Variants in SLIT3 observed in about 807,000 individuals in gnomAD.
SLIT3 encodes slit guidance ligand 3.
Under a neutral mutation model 184.0 loss-of-function variants are expected in SLIT3, and 68 were observed. The ratio of observed to expected loss-of-function variants is 0.37; its 90% confidence interval spans 0.30 to 0.45. The LOEUF is 0.45. SLIT3 is among the 20% of genes least tolerant of loss of function. SLIT3 has a pLI of 1.00. For synonymous variants in SLIT3, 831 were observed against 828.6 expected (o/e 1.00, Z -0.05); for missense variants, 1,707 against 2,026.0 (o/e 0.84, Z 3.02).
intron 4 of SLIT3, among the ~76,000 whole-genome samples, chr5:169,007,151 G>A (rs1357911728): frequency 2.0e-5 from 3 of 152,130 alleles, no homozygotes; most frequent in Non-Finnish European, 4.4e-5. Flanking sequence ...TCTCTCTCCT[G>A]CCACCTTGTG....
At chr5:169,287,961 C>G (rs1331100612) in intron 1 of SLIT3, among the ~76,000 whole-genome samples, 2 of 152,170 alleles carry the variant, frequency 1.3e-5, no homozygotes, top group African/African-American at 4.8e-5. Flanking sequence ...CATCGCCTAC[C>G]CCATGCTTAG....
chr5:169,025,879 C>T (rs1756802318), intron 4 of SLIT3, among the ~76,000 whole-genome samples: 1 of 152,176 alleles, frequency 6.6e-6, no homozygotes, highest in South Asian at 2.1e-4. Context: ...TACTACCAGC[C>T]TGAACTCTCC....
chr5:169,127,561 A>G (rs763016501), intron 4 of SLIT3, among the ~76,000 whole-genome samples: 12 of 152,344 alleles, frequency 7.9e-5, no homozygotes, highest in Admixed American at 5.9e-4. Flanking sequence ...GTAAAAATAG[A>G]TGCTTTCAAA....
chr5:168,974,663 G>T, intron 4 of SLIT3, among the ~76,000 whole-genome samples: 1 of 152,180 alleles, frequency 6.6e-6, no homozygotes, highest in East Asian at 1.9e-4. Context: ...AAGAGGAGGG[G>T]TGGCCCTTTA....
At chr5:168,817,549 T>G in intron 7 of SLIT3, 86 bp from the exon 8 acceptor site, 2 of 1,294,784 alleles carry the variant, frequency 1.5e-6, no homozygotes, top group Non-Finnish European at 2.2e-6. Flanking sequence ...CCAAAACCCC[T>G]GTTGCCCCTT....
chr5:169,093,575 T>A (rs1213333805), intron 4 of SLIT3, among the ~76,000 whole-genome samples: 1 of 152,210 alleles, frequency 6.6e-6, no homozygotes, highest in Non-Finnish European at 1.5e-5. Context: ...TGCAGATCCT[T>A]ACAACCCTTC....
At chr5:168,671,964 G>A (rs981493005) in intron 33 of SLIT3, among the ~76,000 whole-genome samples, 3 of 152,212 alleles carry the variant, frequency 2.0e-5, no homozygotes, top group South Asian at 2.1e-4. Context: ...CTTGATCAAC[G>A]AAACTTTGGG....
At chr5:169,233,519 T>C (rs1206003849) in intron 3 of SLIT3, among the ~76,000 whole-genome samples, 1 of 152,222 alleles carries the variant, frequency 6.6e-6, no homozygotes, top group Middle Eastern at 3.4e-3. Flanking sequence ...ACTTAGGTGA[T>C]GGGTTGATAC....
At chr5:168,811,660 C>G (rs551736640) in intron 8 of SLIT3, among the ~76,000 whole-genome samples, 1 of 152,164 alleles carries the variant, frequency 6.6e-6, no homozygotes, top group Non-Finnish European at 1.5e-5. Context: ...TCATCCACAA[C>G]GAGCTATCAC....
intron 11 of SLIT3, among the ~76,000 whole-genome samples, chr5:168,787,054 A>G (rs981070362): frequency 2.6e-5 from 4 of 151,066 alleles, no homozygotes; most frequent in African/African-American, 9.8e-5. Flanking sequence ...GATAAACCAA[A>G]CCCCCCTTTT....
chr5:169,011,976 TAGAA>T (rs1287131501), intron 4 of SLIT3, among the ~76,000 whole-genome samples: 2 of 151,880 alleles, frequency 1.3e-5, no homozygotes, highest in African/African-American at 2.4e-5. Flanking sequence ...AACTAGGTGT[TAGAA>T]GGTAGGAACC....
chr5:169,084,473 T>G (rs1759205889), intron 4 of SLIT3, among the ~76,000 whole-genome samples: 1 of 148,552 alleles, frequency 6.7e-6, no homozygotes, highest in African/African-American at 2.5e-5. Context: ...TTTTTTTTTT[T>G]TTTTTGTTTC....
At chr5:168,938,086 G>T (rs188646003) in intron 4 of SLIT3, among the ~76,000 whole-genome samples, 37 of 152,226 alleles carry the variant, frequency 2.4e-4, no homozygotes, top group African/African-American at 7.5e-4. Context: ...TTGTTCTAAC[G>T]TACCAATATA....
At chr5:168,797,111 C>T (rs963941809) in intron 9 of SLIT3, among the ~76,000 whole-genome samples, 24 of 152,152 alleles carry the variant, frequency 1.6e-4, no homozygotes, top group Non-Finnish European at 1.5e-5. Flanking sequence ...GGCTAGCCTG[C>T]TCACAGAGAG....
intron 27 of SLIT3, among the ~76,000 whole-genome samples, chr5:168,698,412 G>A (rs1762121476): frequency 6.6e-6 from 1 of 152,104 alleles, no homozygotes; most frequent in South Asian, 2.1e-4. Context: ...AGAGAGCACT[G>A]GTGACTATGC....
At chr5:169,004,224 A>G (rs750674270) in intron 4 of SLIT3, among the ~76,000 whole-genome samples, 5 of 152,012 alleles carry the variant, frequency 3.3e-5, no homozygotes, top group African/African-American at 7.2e-5. Flanking sequence ...TATTCTGTGC[A>G]TCTCAGAGAA....
intron 3 of SLIT3, among the ~76,000 whole-genome samples, chr5:169,201,260 T>C (rs1417199711): frequency 6.6e-6 from 1 of 152,224 alleles, no homozygotes; most frequent in Non-Finnish European, 1.5e-5. Flanking sequence ...GACATTTCTA[T>C]AGGAGAAAGA....
chr5:168,941,856 T>A (rs1385437119), intron 4 of SLIT3, among the ~76,000 whole-genome samples: 3 of 152,132 alleles, frequency 2.0e-5, no homozygotes, highest in African/African-American at 7.2e-5. Context: ...CAGGGTCAAA[T>A]AAGATTATTT....
chr5:169,143,345 A>G (rs979628751), intron 4 of SLIT3, among the ~76,000 whole-genome samples: 5 of 152,212 alleles, frequency 3.3e-5, no homozygotes, highest in African/African-American at 1.2e-4. Flanking sequence ...CCTTTTGAAG[A>G]TGTAGAAACT....
Sources: allele counts gnomAD v4.1 joint callset (sites outside exome capture counted in the v4.1 genomes callset), GRCh38; gene constraint gnomAD v4.1.1; transcripts MANE v1.5; gene names NCBI Gene and HGNC (gene_info 2026-07-23, HGNC 2026-07-21).